The following PTPRN2 variants were observed in gnomAD, a reference collection of about 807,000 sequenced individuals.
PTPRN2 encodes the protein protein tyrosine phosphatase receptor type N2.
Under a neutral mutation model 118.8 loss-of-function variants are expected in PTPRN2, and 74 were observed. The ratio of observed to expected loss-of-function variants is 0.62; its 90% confidence interval spans 0.52 to 0.76. PTPRN2 has a LOEUF of 0.76. Among genes scored for constraint, PTPRN2 ranks in the 30% least tolerant of loss-of-function variants. The probability of loss-of-function intolerance (pLI) is 0.00; values close to 1 mark genes in which losing one functional copy is unlikely to be tolerated. For missense variants in PTPRN2, 1,481 were observed against 1,394.4 expected, an observed-to-expected ratio of 1.06 and a Z score of -0.99; for synonymous variants, 641 against 608.0, an observed-to-expected ratio of 1.05 and a Z score of -0.80.
intron 2 of PTPRN2, among the ~76,000 whole-genome samples, chr7:158,457,637 C>T (rs1406448716): frequency 2.1e-5 from 2 of 95,572 alleles, no homozygotes; most frequent in Non-Finnish European, 4.4e-5. Flanking sequence ...AGTCAGCACA[C>T]GGTGAGGGGC....
At chr7:158,333,329 G>GCAGACGTCACTCACACCCACACTC (rs1563156906) in intron 2 of PTPRN2, among the ~76,000 whole-genome samples, 7 of 79,152 alleles carry the variant, frequency 8.8e-5, no homozygotes, top group Admixed American at 2.4e-4. Flanking sequence ...CACCCACACT[G>GCAGACGTCACTCACACCCACACTC]TCACCATAAG....
chr7:157,577,982 G>A (rs906560232), intron 18 of PTPRN2, 39 bp downstream of exon 18: 1 of 1,538,354 alleles, frequency 6.5e-7, no homozygotes, highest in African/African-American at 1.4e-5. Flanking sequence ...TCCTCGTCCG[G>A]CTGGTGGGTC....
intron 12 of PTPRN2, among the ~76,000 whole-genome samples, chr7:157,833,936 AC>A (rs1807758528): frequency 6.6e-6 from 1 of 152,176 alleles, no homozygotes. Flanking sequence ...GGCGCACTGA[AC>A]CCAGAAACCA....
In PTPRN2 at chr7:157,944,381, C is replaced by A. The variant is rs545391208; in HGVS notation, c.1724-45644G>T. Reference sequence around the variant, plus strand: ...CACTGACTGAACCTTGGAATCAATACAATGCAGGGTAGAGCAATTCATTTG... The same window carrying A: ...CACTGACTGAACCTTGGAATCAATAAAATGCAGGGTAGAGCAATTCATTTG... On this transcript the variant is annotated intron_variant, in intron 11 of 22. Coordinates refer to ENST00000389418, the MANE Select transcript of PTPRN2 (RefSeq NM_002847.5). This position sits in a 1 kb window ranked among gnomAD's most constrained non-coding sequence, Gnocchi z 4.3. 6.6e-6 allele frequency among the ~76,000 whole-genome samples: 1 copy of A among 152,250 alleles called. No homozygotes were observed. The highest frequency in any genetic ancestry group is 1.9e-4 in the East Asian group (1 of 5,180).
intron 2 of PTPRN2, among the ~76,000 whole-genome samples, chr7:158,346,592 C>T (rs1002736405): frequency 4.6e-5 from 7 of 152,192 alleles, no homozygotes; most frequent in Non-Finnish European, 8.8e-5. Context: ...GGGTGCAGAT[C>T]TCTCTTCAAC....
intron 12 of PTPRN2, among the ~76,000 whole-genome samples, chr7:157,835,477 G>C (rs1292583273): frequency 6.6e-6 from 1 of 152,188 alleles, no homozygotes; most frequent in East Asian, 1.9e-4. Flanking sequence ...CACGAGCAAA[G>C]CACAAAAGAT....
At position 157,869,917 on chromosome 7, in the gene PTPRN2, T is replaced by G. The variant is rs936251897; in HGVS notation, c.1788+28756A>C. Among the ~76,000 whole-genome samples the G allele has an allele frequency of 6.6e-6, 1 of 152,188 alleles. No homozygotes were observed. The highest frequency in any genetic ancestry group is 1.5e-5 in the Non-Finnish European group (1 of 68,034). ...ATGCCTTGAGCATCCCAACATCTAC[T>G]GCCATGACCTTTGCTCTTGATCAGT... On this transcript the variant is annotated intron_variant, in intron 12 of 22. Transcript: ENST00000389418. The surrounding 1 kb of genome is among the most constrained non-coding windows in gnomAD (Gnocchi z 4.2).
chr7:158,510,271 A>G (rs868363960), intron 1 of PTPRN2, among the ~76,000 whole-genome samples: 6 of 152,324 alleles, frequency 3.9e-5, no homozygotes, highest in Middle Eastern at 3.4e-3. Context: ...GGGAGCCCCA[A>G]TGACAGAACA....
At chr7:158,225,923 G>A (rs1393531691) in intron 3 of PTPRN2, among the ~76,000 whole-genome samples, 2 of 151,492 alleles carry the variant, frequency 1.3e-5, no homozygotes, top group Non-Finnish European at 2.9e-5. Flanking sequence ...AGGGAGGGGA[G>A]TTGCATAGTC....
chr7:158,167,890 T>A (rs1823175093), intron 5 of PTPRN2, among the ~76,000 whole-genome samples: 1 of 152,272 alleles, frequency 6.6e-6, no homozygotes, highest in Non-Finnish European at 1.5e-5. Context: ...TCCCACATTT[T>A]AAAAATTCAC....
chr7:158,307,881 C>T (rs1161880537), intron 3 of PTPRN2, among the ~76,000 whole-genome samples: 1 of 152,008 alleles, frequency 6.6e-6, no homozygotes, highest in East Asian at 1.9e-4. Flanking sequence ...AAGAGGGGAC[C>T]TGGTGACTTT....
rs1256721994 is a variant in PTPRN2, at chr7:157,838,888, G to A, written c.1788+59785C>T. Among the ~76,000 whole-genome samples, 9 of 104,868 alleles carry A rather than the reference G, an allele frequency of 8.6e-5. No homozygotes were observed. In the East Asian group the frequency reaches 1.7e-3, roughly 20 times the overall value. 68.8% of individuals were successfully genotyped at this position (104,868 alleles called of 152,430 possible). On this transcript the variant is annotated intron_variant, in intron 12 of 22. Coordinates refer to ENST00000389418, the MANE Select transcript of PTPRN2 (RefSeq NM_002847.5). ...GCACGGGAGAAAGCTCCTCTCCGCC[G>A]TGGCTACTCCAGTTCCTCTCGTAGT...
At chr7:158,136,984 G>A (rs758564149) in intron 7 of PTPRN2, among the ~76,000 whole-genome samples, 31 of 131,248 alleles carry the variant, frequency 2.4e-4, no homozygotes, top group Non-Finnish European at 4.0e-4. Context: ...GTTAACTCAC[G>A]GCAAAAAAAA....
intron 2 of PTPRN2, among the ~76,000 whole-genome samples, chr7:158,485,366 A>C (rs1428539312): frequency 2.9e-4 from 24 of 83,318 alleles, no homozygotes; most frequent in South Asian, 4.4e-4. Flanking sequence ...CTGCTCGGCC[A>C]CCCCTCTCTG....
chr7:158,441,102 G>GTAGTGA (rs1388809102), intron 2 of PTPRN2, among the ~76,000 whole-genome samples: 4 of 149,982 alleles, frequency 2.7e-5, no homozygotes, highest in Admixed American at 2.6e-4. Flanking sequence ...GATAGGGGTG[G>GTAGTGA]TAGTGATGGT....
intron 2 of PTPRN2, among the ~76,000 whole-genome samples, chr7:158,336,244 C>T (rs1805493552): frequency 1.2e-5 from 1 of 83,874 alleles, no homozygotes; most frequent in Non-Finnish European, 2.4e-5. Context: ...CTCACACCCA[C>T]ACACGTCACT....
intron 2 of PTPRN2, among the ~76,000 whole-genome samples, chr7:158,332,782 A>G (rs1226954279): frequency 4.0e-5 from 6 of 151,348 alleles, no homozygotes; most frequent in African/African-American, 1.5e-4. Context: ...TACTCTCACC[A>G]TAAGAGCTGA....
intron 12 of PTPRN2, among the ~76,000 whole-genome samples, chr7:157,833,191 C>A (rs1371176636): frequency 6.6e-6 from 1 of 150,716 alleles, no homozygotes; most frequent in Non-Finnish European, 1.5e-5. Context: ...CAGCGCCCAT[C>A]CATCCTGTAT....
At chr7:157,577,819 C>T (rs889538164) in intron 18 of PTPRN2, among the ~76,000 whole-genome samples, 3 of 152,194 alleles carry the variant, frequency 2.0e-5, no homozygotes, top group Admixed American at 2.0e-4. Flanking sequence ...ACTCAGCCTC[C>T]GTCCCCTGAA....
Sources: allele counts gnomAD v4.1 joint callset (sites outside exome capture counted in the v4.1 genomes callset), GRCh38; gene constraint gnomAD v4.1.1; non-coding constraint Gnocchi (gnomAD v3.1); transcripts MANE v1.5; gene names NCBI Gene and HGNC (gene_info 2026-07-23, HGNC 2026-07-21).